PPP2R2B: variants seen among roughly 807,000 people sequenced by gnomAD.
The protein encoded by PPP2R2B is serine/threonine-protein phosphatase 2A 55 kDa regulatory subunit B beta isoform.
In PPP2R2B, 5 loss-of-function variants were observed where a neutral mutation model predicts 46.0. That is an observed-to-expected ratio of 0.11 (90% CI 0.06 to 0.23). The LOEUF is 0.23. PPP2R2B is among the 10% of genes least tolerant of loss of function. The pLI is 1.00. For missense variants in PPP2R2B, 367 were observed against 575.0 expected (o/e 0.64, Z 3.70); for synonymous variants, 215 against 206.7 (o/e 1.04, Z -0.34).
chr5:146,728,570 G>T (rs1443324979), intron 2 of PPP2R2B, among the ~76,000 whole-genome samples: 8 of 152,082 alleles, frequency 5.3e-5, no homozygotes, highest in Non-Finnish European at 1.2e-4. Flanking sequence ...CAACAGTTGG[G>T]AAGTGATATG....
At position 146,791,425 on chromosome 5, in the gene PPP2R2B, G is replaced by A. The variant is rs76281801; in HGVS notation, c.70+86577C>T. ...ATGTGTGTGTGGTGTGTGCACGTGTGCGTGTGCGTCTGTACAGCTTACAGG... is the reference window on the plus strand; with the variant it reads ...ATGTGTGTGTGGTGTGTGCACGTGTACGTGTGCGTCTGTACAGCTTACAGG... On this transcript the variant is annotated intron_variant, in intron 2 of 9. Coordinates refer to ENST00000394411, the MANE Select transcript of PPP2R2B (RefSeq NM_181675.4). Among the ~76,000 whole-genome samples the A allele has an allele frequency of 1.8e-3, 268 of 151,996 alleles. 1 individual carries two copies. Among genetic ancestry groups the A allele is most frequent in the African/African-American group, 6.1e-3 (252 of 41,454 alleles).
intron 1 of PPP2R2B, among the ~76,000 whole-genome samples, chr5:146,938,099 T>C (rs2151827223): frequency 6.6e-6 from 1 of 152,282 alleles, no homozygotes; most frequent in Non-Finnish European, 1.5e-5. Context: ...ATTGCTTAGA[T>C]TGAGGTACCG....
chr5:146,704,101 G>A (rs903686792), intron 2 of PPP2R2B, among the ~76,000 whole-genome samples: 22 of 152,164 alleles, frequency 1.4e-4, no homozygotes, highest in African/African-American at 5.3e-4. Flanking sequence ...GCCAGTAGGT[G>A]TAACTGGAAT....
chr5:146,691,034 A>C (rs1323544595), intron 5 of PPP2R2B, 94 bp downstream of exon 5: 1 of 1,054,528 alleles, frequency 9.5e-7, no homozygotes, highest in African/African-American at 1.6e-5. Context: ...TCACTGGCCC[A>C]TTATAGTTGC....
intron 1 of PPP2R2B, among the ~76,000 whole-genome samples, chr5:147,017,694 T>C (rs1755070086): frequency 6.7e-6 from 1 of 148,876 alleles, no homozygotes; most frequent in Admixed American, 6.9e-5. Context: ...GCAGCTGCAG[T>C]GTAAAGTAAG....
intron 2 of PPP2R2B, among the ~76,000 whole-genome samples, chr5:146,852,386 T>C (rs1416554561): frequency 6.6e-6 from 1 of 152,146 alleles, no homozygotes; most frequent in African/African-American, 2.4e-5. Flanking sequence ...TACAGGTCAT[T>C]AGTGACCATT....
At chr5:147,034,017 A>G (rs1755915373) in intron 1 of PPP2R2B, among the ~76,000 whole-genome samples, 1 of 152,086 alleles carries the variant, frequency 6.6e-6, no homozygotes, top group Non-Finnish European at 1.5e-5. Context: ...GTTTCTTACT[A>G]TGGTGTTTAA....
chr5:146,813,805 G>A (rs560657001), intron 2 of PPP2R2B, among the ~76,000 whole-genome samples: 1 of 152,244 alleles, frequency 6.6e-6, no homozygotes, highest in Non-Finnish European at 1.5e-5. Context: ...ACTGGTGAAA[G>A]AAAGAAAGGG....
chr5:146,967,663 C>T (rs961346584), intron 1 of PPP2R2B, among the ~76,000 whole-genome samples: 1 of 152,088 alleles, frequency 6.6e-6, no homozygotes, highest in African/African-American at 2.4e-5. Flanking sequence ...AGGGGCAGCC[C>T]CACTCAGTAA....
intron 4 of PPP2R2B, among the ~76,000 whole-genome samples, chr5:146,695,312 A>C (rs1449233958): frequency 6.6e-6 from 1 of 152,058 alleles, no homozygotes; most frequent in Non-Finnish European, 1.5e-5. Context: ...AACATGTACT[A>C]ATTTCATAGT....
chr5:146,986,398 C>G (rs1186163749), intron 1 of PPP2R2B, among the ~76,000 whole-genome samples: 1 of 152,102 alleles, frequency 6.6e-6, no homozygotes, highest in Admixed American at 6.5e-5. Flanking sequence ...GAAACTGAGC[C>G]CTGAAACACT....
At chr5:146,988,041 T>C (rs1753511130) in intron 1 of PPP2R2B, among the ~76,000 whole-genome samples, 1 of 151,962 alleles carries the variant, frequency 6.6e-6, no homozygotes, top group Non-Finnish European at 1.5e-5. Flanking sequence ...TATGTATTGA[T>C]GAAAGATTCA....
intron 2 of PPP2R2B, among the ~76,000 whole-genome samples, chr5:146,796,546 A>T (rs1208087455): frequency 1.3e-5 from 2 of 152,236 alleles, no homozygotes; most frequent in Non-Finnish European, 2.9e-5. Context: ...CAAATAAGGC[A>T]AAATCTCTGA....
At chr5:146,638,468 G>A in intron 6 of PPP2R2B, 53 bp from the exon 7 acceptor site, 1 of 1,498,656 alleles carries the variant, frequency 6.7e-7, no homozygotes, top group Non-Finnish European at 9.1e-7. Context: ...GGAACTTGGG[G>A]AAGGGGAGAA....
In PPP2R2B at chr5:146,667,240, A is replaced by G. The variant is rs557143378; in HGVS notation, c.448-16516T>C. On this transcript the variant is annotated intron_variant, in intron 5 of 9. Transcript: ENST00000394411. Reference sequence around the variant, plus strand: ...TTTGAATGTAGTGATTCTAGAAAATAAATTGTTATATGAAGTGGATGAAGA... The same window carrying G: ...TTTGAATGTAGTGATTCTAGAAAATGAATTGTTATATGAAGTGGATGAAGA... Among the ~76,000 whole-genome samples the G allele has an allele frequency of 1.1e-4, 17 of 152,172 alleles. No individual in the cohort carries two copies. In the East Asian group the frequency reaches 3.3e-3, roughly 29 times the overall value.
intron 1 of PPP2R2B, among the ~76,000 whole-genome samples, chr5:146,913,414 T>A (rs2151807789): frequency 6.6e-6 from 1 of 152,298 alleles, no homozygotes; most frequent in East Asian, 1.9e-4. Flanking sequence ...TAGCCCTACA[T>A]CCAAGGCAGA....
chr5:146,778,193 A>T (rs1257005411), intron 2 of PPP2R2B, among the ~76,000 whole-genome samples: 2 of 152,184 alleles, frequency 1.3e-5, no homozygotes, highest in African/African-American at 4.8e-5. Context: ...TCTCTACTGA[A>T]AATATTCTTT....
intron 2 of PPP2R2B, among the ~76,000 whole-genome samples, chr5:146,760,794 A>T (rs912706603): frequency 6.6e-6 from 1 of 152,106 alleles, no homozygotes; most frequent in African/African-American, 2.4e-5. Flanking sequence ...ATTGCTGTTG[A>T]AGTTTACCAG....
At chr5:146,652,386 G>A (rs1397847671) in intron 5 of PPP2R2B, among the ~76,000 whole-genome samples, 3 of 152,138 alleles carry the variant, frequency 2.0e-5, no homozygotes, top group Admixed American at 6.5e-5. Flanking sequence ...CAAAGTCCTG[G>A]AGTGTTCAAC....
Sources: gnomAD v4.1 joint callset for allele counts (sites outside exome capture counted in the v4.1 genomes callset) on GRCh38, gnomAD v4.1.1 for gene constraint, MANE v1.5 for transcripts, NCBI Gene and HGNC (gene_info 2026-07-23, HGNC 2026-07-21) for gene names.